The following CHN2 variants were observed in gnomAD, a reference collection of about 807,000 sequenced individuals.
CHN2 encodes the protein chimerin 2, also known as beta-chimaerin.
A neutral mutation model predicts 56.3 loss-of-function variants in CHN2; 35 were observed. That is an observed-to-expected ratio of 0.62 (90% CI 0.47 to 0.82). The LOEUF is 0.82. Ranked by LOEUF, CHN2 falls within the 40% of genes least tolerant of loss-of-function variation. The pLI is 0.00. For synonymous variants in CHN2, 210 were observed against 212.8 expected, an observed-to-expected ratio of 0.99 and a Z score of 0.12; for missense variants, 491 against 580.5, an observed-to-expected ratio of 0.85 and a Z score of 1.58.
chr7:29,493,905 T>G (rs1788938208), intron 7 of CHN2, among the ~76,000 whole-genome samples: 1 of 152,194 alleles, frequency 6.6e-6, no homozygotes, highest in African/African-American at 2.4e-5. Context: ...TCCAAGAACT[T>G]CCTACTGTAC....
At chr7:29,477,787 G>A (rs1786721456) in intron 6 of CHN2, among the ~76,000 whole-genome samples, 1 of 152,248 alleles carries the variant, frequency 6.6e-6, no homozygotes, top group Admixed American at 6.5e-5. Context: ...CTGAGGCAGT[G>A]GATGGGTGGT....
At chr7:29,401,936 A>G (rs1215549756) in intron 6 of CHN2, among the ~76,000 whole-genome samples, 3 of 152,168 alleles carry the variant, frequency 2.0e-5, no homozygotes, top group South Asian at 2.1e-4. Context: ...AGCCACGCCA[A>G]TCAGCCCCTG....
rs1789521147 is a variant in CHN2, at chr7:29,261,179, C to T, written c.49+66189C>T. ...TTATGTATTATCTCCTATTATTCTC[C>T]AAACAACTCTTTTACAGAATGGGGA... On this transcript the variant is annotated intron_variant, in intron 1 of 12. Coordinates refer to ENST00000222792, the MANE Select transcript of CHN2 (RefSeq NM_004067.4). Among the ~76,000 whole-genome samples the T allele has an allele frequency of 2.6e-5, 4 of 152,132 alleles. No homozygotes were observed. In the South Asian group the frequency reaches 8.3e-4, roughly 32 times the overall value.
intron 1 of CHN2, among the ~76,000 whole-genome samples, chr7:29,221,141 A>G (rs1785761882): frequency 6.6e-6 from 1 of 152,228 alleles, no homozygotes; most frequent in African/African-American, 2.4e-5. Context: ...TGATAAAGTA[A>G]TAAATGATTT....
At chr7:29,147,742 T>C (rs972538858) in intron 2 of CHN2, among the ~76,000 whole-genome samples, 9 of 152,194 alleles carry the variant, frequency 5.9e-5, no homozygotes, top group African/African-American at 2.2e-4. Flanking sequence ...CCACCTTTAA[T>C]ATATGCAGGA....
At chr7:29,511,954 G>A (rs1791492090) in intron 12 of CHN2, among the ~76,000 whole-genome samples, 1 of 152,142 alleles carries the variant, frequency 6.6e-6, no homozygotes, top group East Asian at 1.9e-4. Flanking sequence ...TTCAACTGCT[G>A]TAGACCTCAT....
At chr7:29,404,415 ATAAT>A (rs1196784173) in intron 6 of CHN2, among the ~76,000 whole-genome samples, 2 of 152,238 alleles carry the variant, frequency 1.3e-5, no homozygotes, top group Non-Finnish European at 2.9e-5. Context: ...ATGCCCTTAA[ATAAT>A]AAAAGCACAT....
intron 2 of CHN2, among the ~76,000 whole-genome samples, chr7:29,157,964 G>T (rs953471122): frequency 1.3e-5 from 2 of 152,158 alleles, no homozygotes; most frequent in Non-Finnish European, 2.9e-5. Context: ...CACTCCTAAA[G>T]AGATGTTTTT....
intron 6 of CHN2, among the ~76,000 whole-genome samples, chr7:29,412,356 G>A (rs550683437): frequency 8.0e-4 from 90 of 113,046 alleles, no homozygotes; most frequent in East Asian, 2.9e-3. Flanking sequence ...TTTGGGAGAC[G>A]GAGTCTCCCT....
intron 1 of CHN2, among the ~76,000 whole-genome samples, chr7:29,316,741 T>C (rs1794982051): frequency 6.6e-6 from 1 of 152,052 alleles, no homozygotes; most frequent in South Asian, 2.1e-4. Context: ...TTCCACAATG[T>C]TGGGATTATA....
chr7:29,273,355 A>ATATATATATATATATATGTGTATG (rs1790868866), intron 1 of CHN2, among the ~76,000 whole-genome samples: 1 of 75,006 alleles, frequency 1.3e-5, no homozygotes, highest in African/African-American at 5.5e-5. Flanking sequence ...ATATATATAT[A>ATATATATATATATATATGTGTATG]TATATATATA....
chr7:29,247,160 G>A (rs1163643222), intron 1 of CHN2, among the ~76,000 whole-genome samples: 1 of 152,160 alleles, frequency 6.6e-6, no homozygotes, highest in Non-Finnish European at 1.5e-5. Context: ...GGATAGGAGG[G>A]CACTCCAGGT....
chr7:29,444,129 T>C (rs1188304595), intron 6 of CHN2, among the ~76,000 whole-genome samples: 1 of 152,198 alleles, frequency 6.6e-6, no homozygotes, highest in African/African-American at 2.4e-5. Context: ...TCTTTGAAAC[T>C]TGAGTCCCTG....
At chr7:29,507,778 A>G (rs1420140) in intron 11 of CHN2, among the ~76,000 whole-genome samples, 58,163 of 152,066 alleles carry the variant, frequency 0.38, 12,880 homozygotes, top group African/African-American at 0.61. Flanking sequence ...ATATACTAAC[A>G]TTAATGATAG....
At chr7:29,346,197 G>C (rs77162938) in intron 1 of CHN2, among the ~76,000 whole-genome samples, 1,573 of 152,282 alleles carry the variant, frequency 0.01, 23 homozygotes, top group Non-Finnish European at 0.015. Context: ...GTGCTGGCCT[G>C]ACAAGATCAT....
At chr7:29,272,354 G>A (rs1790726931) in intron 1 of CHN2, among the ~76,000 whole-genome samples, 1 of 152,196 alleles carries the variant, frequency 6.6e-6, no homozygotes, top group Non-Finnish European at 1.5e-5. Context: ...GTTGAGAGCT[G>A]AGGGGCTAAG....
chr7:29,495,925 G>T, intron 7 of CHN2, 27 bp from the exon 8 acceptor site: 1 of 1,603,466 alleles, frequency 6.2e-7, no homozygotes, highest in South Asian at 1.1e-5. Flanking sequence ...TGAGCTTTCT[G>T]ACATTTTTCT....
intron 12 of CHN2, 92 bp from the exon 13 acceptor site, chr7:29,512,472 A>G (rs1791591025): frequency 2.7e-6 from 3 of 1,097,698 alleles, no homozygotes; most frequent in Non-Finnish European, 1.3e-6. Context: ...TTCCTGAACC[A>G]GAGATGTTAT....
At chr7:29,278,052 A>C (rs1297430416) in intron 1 of CHN2, among the ~76,000 whole-genome samples, 4 of 152,168 alleles carry the variant, frequency 2.6e-5, no homozygotes, top group Non-Finnish European at 5.9e-5. Context: ...GTTTCCCCAG[A>C]GCCCAAGTGC....
Sources: allele counts gnomAD v4.1 joint callset (sites outside exome capture counted in the v4.1 genomes callset), GRCh38; gene constraint gnomAD v4.1.1; transcripts MANE v1.5; gene names NCBI Gene and HGNC (gene_info 2026-07-23, HGNC 2026-07-21).